ELSPBP1: variants seen among roughly 807,000 people sequenced by gnomAD.
ELSPBP1 encodes the protein epididymal sperm binding protein 1.
In ELSPBP1, 38 loss-of-function variants were observed where a neutral mutation model predicts 33.3. That is an observed-to-expected ratio of 1.14 (90% confidence interval 0.88 to 1.50). ELSPBP1 has a LOEUF of 1.50. Ranked by LOEUF, ELSPBP1 falls within the 40% of genes most tolerant of loss-of-function variation. The probability of loss-of-function intolerance (pLI) is 0.00; values close to 1 mark genes in which losing one functional copy is unlikely to be tolerated. For synonymous variants in ELSPBP1, 85 were observed against 94.1 expected, an observed-to-expected ratio of 0.90 and a Z score of 0.56; for missense variants, 267 against 263.5, an observed-to-expected ratio of 1.01 and a Z score of -0.09.
chr19:48,009,746 TAACA>T (rs966435500), intron 2 of ELSPBP1, among the ~76,000 whole-genome samples: 5 of 152,182 alleles, frequency 3.3e-5, no homozygotes, highest in Non-Finnish European at 7.3e-5. Flanking sequence ...ATAGCTATTG[TAACA>T]AACAAAATCC....
intron 1 of ELSPBP1, among the ~76,000 whole-genome samples, chr19:47,997,041 A>G (rs986690329): frequency 2.0e-5 from 3 of 152,194 alleles, no homozygotes; most frequent in Non-Finnish European, 4.4e-5. Flanking sequence ...CCCATTTTAT[A>G]GAGGGGTAAG....
At chr19:48,005,887 G>A (rs916084664) in intron 1 of ELSPBP1, among the ~76,000 whole-genome samples, 4 of 152,128 alleles carry the variant, frequency 2.6e-5, no homozygotes, top group South Asian at 2.1e-4. Context: ...TACCTACCAC[G>A]TTGGGCTACT....
rs538344514 is a variant in ELSPBP1, at chr19:48,020,027, G to A, written c.514+150G>A. On this transcript the variant is annotated intron_variant, in intron 5 of 6. Transcript: ENST00000339841. ...TCCGGCAGACAGAGTTCTGGCTCAC[G>A]AATAATGTCAATGATGTGATATGCC... The A allele has an allele frequency of 6.1e-4, 498 of 810,516 alleles. 2 individuals are homozygous for A. The African/African-American group carries it at 7.6e-3, about 12-fold the overall frequency. 50.2% of individuals were successfully genotyped at this position (810,516 alleles called of 1,614,324 possible).
At chr19:48,005,166 G>C (rs988654468) in intron 1 of ELSPBP1, among the ~76,000 whole-genome samples, 1 of 151,656 alleles carries the variant, frequency 6.6e-6, no homozygotes, top group Non-Finnish European at 1.5e-5. Context: ...TGGCGCCACT[G>C]CACTGCAGCC....
At chr19:48,007,706 T>C (rs924630665) in intron 1 of ELSPBP1, among the ~76,000 whole-genome samples, 4 of 152,116 alleles carry the variant, frequency 2.6e-5, no homozygotes, top group African/African-American at 9.7e-5. Context: ...TGAGTGTGAT[T>C]CATGGGGAGG....
chr19:48,001,987 A>G (rs750415549), intron 1 of ELSPBP1, among the ~76,000 whole-genome samples: 2 of 152,102 alleles, frequency 1.3e-5, no homozygotes, highest in Non-Finnish European at 2.9e-5. Context: ...ATGAGTTACC[A>G]TGACTGGCCC....
intron 1 of ELSPBP1, among the ~76,000 whole-genome samples, chr19:48,008,230 GTGTGTGTA>G (rs938265822): frequency 6.6e-6 from 1 of 151,980 alleles, no homozygotes; most frequent in Non-Finnish European, 1.5e-5. Flanking sequence ...TGTGGTATAT[GTGTGTGTA>G]TGTGTGTATT....
At chr19:48,008,353 C>T (rs532872147) in intron 1 of ELSPBP1, among the ~76,000 whole-genome samples, 1 of 152,234 alleles carries the variant, frequency 6.6e-6, no homozygotes, top group East Asian at 1.9e-4. Context: ...TTGCCTCAGC[C>T]TCCTGAATAG....
intron 3 of ELSPBP1, among the ~76,000 whole-genome samples, chr19:48,015,417 A>G (rs1456942388): frequency 6.6e-6 from 1 of 152,182 alleles, no homozygotes; most frequent in Non-Finnish European, 1.5e-5. Flanking sequence ...GCACTTTGGG[A>G]GGCCGAGGCG....
chr19:47,995,369 A>G (rs531787646), intron 1 of ELSPBP1, among the ~76,000 whole-genome samples: 71 of 152,370 alleles, frequency 4.7e-4, no homozygotes, highest in African/African-American at 1.6e-3. Context: ...AGAAAAGGGA[A>G]CAAGTTACCT....
intron 1 of ELSPBP1, among the ~76,000 whole-genome samples, chr19:47,997,571 AT>A (rs909570028): frequency 1.3e-5 from 2 of 151,682 alleles, no homozygotes; most frequent in African/African-American, 2.4e-5. Flanking sequence ...GGTACGCGTG[AT>A]TTTTTTTCTT....
chr19:48,002,636 C>CA (rs905364189), intron 1 of ELSPBP1, among the ~76,000 whole-genome samples: 3 of 152,158 alleles, frequency 2.0e-5, no homozygotes, highest in South Asian at 2.1e-4. Flanking sequence ...ACTAAAAAGA[C>CA]AAAAAAATAG....
chr19:48,019,741 G>A lies in ELSPBP1; in HGVS notation c.378G>A (p.Arg126=). ...ETNEYGGNSL[R]KPCIFPSIYR... ...CAGAGTATGGGGGAAATTCTCTCAG[G>A]AAGCCCTGCATCTTCCCCTCCATCT... The change falls in exon 5 of 7, where the codon AGG becomes AGA. Residue 126 remains arginine, a synonymous_variant. Coordinates refer to ENST00000339841, the MANE Select transcript of ELSPBP1 (RefSeq NM_022142.5). 6.2e-7 allele frequency: 1 copy of A among 1,613,828 alleles called. No individual in the cohort carries two copies. Among genetic ancestry groups the A allele is most frequent in the African/African-American group, 1.3e-5 (1 of 75,004 alleles).
Position 48,019,736 on chromosome 19 carries a change from C to G in ELSPBP1, c.373C>G (p.Leu125Val). 6.2e-7 allele frequency: 1 copy of G among 1,613,918 alleles called. No homozygotes were observed. The highest frequency in any genetic ancestry group is 8.5e-7 in the Non-Finnish European group (1 of 1,179,964). The change falls in exon 5 of 7, where the codon CTC becomes GTC. Residue 125 changes from leucine to valine, a missense_variant. Leu to Val is a conservative substitution (Grantham distance 32, BLOSUM62 1). Transcript: ENST00000339841. ...CETNEYGGNSLRKPCIFPSIY... is the reference protein window; with the variant it reads ...CETNEYGGNSVRKPCIFPSIY... ...CTTTTCAGAGTATGGGGGAAATTCT[C>G]TCAGGAAGCCCTGCATCTTCCCCTC...
At chr19:48,000,959 C>G (rs1966961421) in intron 1 of ELSPBP1, among the ~76,000 whole-genome samples, 1 of 152,208 alleles carries the variant, frequency 6.6e-6, no homozygotes, top group Non-Finnish European at 1.5e-5. Context: ...CATTTGTTCT[C>G]TTACAGTTCT....
Position 48,019,890 on chromosome 19 carries a change from T to C in ELSPBP1, c.514+13T>C. ...TGTGCCGACACCAGTAATCTGGGGA[T>C]GGGGGTTGGGTGGGTGTGGGTGGAG... On this transcript the variant is annotated intron_variant, in intron 5 of 6. Transcript: ENST00000339841. 7.0e-7 allele frequency: 1 copy of C among 1,433,514 alleles called. No homozygotes were observed. Among genetic ancestry groups the C allele is most frequent in the Non-Finnish European group, 9.7e-7 (1 of 1,036,016 alleles). 88.8% of individuals were successfully genotyped at this position (1,433,514 alleles called of 1,614,324 possible).
intron 1 of ELSPBP1, among the ~76,000 whole-genome samples, chr19:48,001,255 C>CT (rs1966964525): frequency 6.6e-6 from 1 of 151,664 alleles, no homozygotes; most frequent in Admixed American, 6.6e-5. Context: ...ACTGCAACCT[C>CT]TAACTCCCTG....
At chr19:48,016,109 G>A in intron 4 of ELSPBP1, 70 bp downstream of exon 4, 9 of 1,571,324 alleles carry the variant, frequency 5.7e-6, no homozygotes, top group Non-Finnish European at 7.8e-6. Flanking sequence ...CTCCTGAGGG[G>A]AGGCTGGGCA....
At chr19:48,013,438 C>T (rs937124273) in intron 2 of ELSPBP1, among the ~76,000 whole-genome samples, 1 of 152,178 alleles carries the variant, frequency 6.6e-6, no homozygotes, top group Non-Finnish European at 1.5e-5. Flanking sequence ...TACCACAGGC[C>T]AGGCATGGTG....
Sources: gnomAD v4.1 joint callset for allele counts (sites outside exome capture counted in the v4.1 genomes callset) on GRCh38, gnomAD v4.1.1 for gene constraint, MANE v1.5 for transcripts, NCBI Gene and HGNC (gene_info 2026-07-23, HGNC 2026-07-21) for gene names.